The following KIF21A variants were observed in gnomAD, a reference collection of about 807,000 sequenced individuals.
KIF21A encodes kinesin-like protein KIF21A.
KIF21A carries 114 observed loss-of-function variants against 202.9 expected under a neutral mutation model. The ratio of observed to expected loss-of-function variants is 0.56; its 90% CI spans 0.48 to 0.66. KIF21A has a LOEUF of 0.66. Ranked by LOEUF, KIF21A falls within the 30% of genes least tolerant of loss-of-function variation. The pLI is 0.00. For synonymous variants in KIF21A, 667 were observed against 670.8 expected (o/e 0.99, Z 0.09); for missense variants, 1,677 against 1,994.9 (o/e 0.84, Z 3.04).
chr12:39,432,757 C>T (rs567202926), intron 1 of KIF21A, among the ~76,000 whole-genome samples: 31 of 152,142 alleles, frequency 2.0e-4, no homozygotes, highest in African/African-American at 7.5e-4. Context: ...ATTACAGGTG[C>T]CTGCTGCTAT....
At position 39,307,585 on chromosome 12, in the gene KIF21A, G is replaced by T. The variant is rs1303665673; in HGVS notation, c.4422C>A (p.Val1474=). ...TFLYAASGNA[V]RMWDLKRFQS... is the part of the protein sequence containing the mutation. ...TCTACCTTTTAAGATCCCACATCCT[G>T]ACAGCATTTCCAGAAGCAGCATAGA... The change falls in exon 34 of 38, where the codon GTC becomes GTA. Residue 1474 remains valine, a synonymous_variant. Transcript: ENST00000361418. 3 of 1,614,074 alleles carry T rather than the reference G, an allele frequency of 1.9e-6. No individual in the cohort carries two copies. The highest frequency in any genetic ancestry group is 2.5e-6 in the Non-Finnish European group (3 of 1,179,974).
intron 1 of KIF21A, among the ~76,000 whole-genome samples, chr12:39,438,136 A>G (rs1939076771): frequency 6.6e-6 from 1 of 152,188 alleles, no homozygotes; most frequent in Admixed American, 6.5e-5. Context: ...CAGAGATAAT[A>G]ATAGCTGCCC....
chr12:39,425,767 G>T (rs1159787632), intron 1 of KIF21A, among the ~76,000 whole-genome samples: 1 of 151,980 alleles, frequency 6.6e-6, no homozygotes, highest in South Asian at 2.1e-4. Context: ...GGCTTAGGCA[G>T]ATTAAAGAAT....
intron 16 of KIF21A, among the ~76,000 whole-genome samples, chr12:39,339,766 A>G (rs1456890200): frequency 1.3e-5 from 2 of 151,286 alleles, no homozygotes; most frequent in Non-Finnish European, 2.9e-5. Context: ...AATGGGGAAT[A>G]TGATCAGGAA....
intron 1 of KIF21A, among the ~76,000 whole-genome samples, chr12:39,416,811 G>GTA (rs1373615761): frequency 1.6e-4 from 17 of 106,306 alleles, no homozygotes; most frequent in Non-Finnish European, 2.8e-4. Flanking sequence ...ACATATATAT[G>GTA]TGTGTATATA....
intron 1 of KIF21A, among the ~76,000 whole-genome samples, chr12:39,430,188 GAA>G (rs772853903): frequency 7.8e-6 from 1 of 128,678 alleles, no homozygotes. Context: ...TAAGACCCTG[GAA>G]AAAAAAAAAA....
In KIF21A at chr12:39,341,539, ACTTTCACCCCCATCAATGTCAT is replaced by A. The variant is rs1947444860; in HGVS notation, c.1865_1886del (p.Asp622ValfsTer32). ...CTGATTCAGAATCTGATTCATCAGAACTTTCACCCCCATCAATGTCATCTTCCTCCTCCTCCTCCTCCTCTTC... is the reference window on the plus strand; with the variant it reads ...CTGATTCAGAATCTGATTCATCAGAACTTCCTCCTCCTCCTCCTCCTCTTC... On this transcript the variant is annotated frameshift_variant, in exon 14 of 38. Coordinates refer to ENST00000361418, the MANE Select transcript of KIF21A (RefSeq NM_001173464.2). LOFTEE classifies it high-confidence loss of function. 6.2e-7 allele frequency: 1 copy of A among 1,613,054 alleles called. No individual in the cohort carries two copies. The highest frequency in any genetic ancestry group is 1.7e-5 in the Admixed American group (1 of 59,966).
At chr12:39,353,742 C>T (rs1436020044) in intron 10 of KIF21A, among the ~76,000 whole-genome samples, 2 of 151,994 alleles carry the variant, frequency 1.3e-5, no homozygotes, top group African/African-American at 2.4e-5. Context: ...AGGGGCATAT[C>T]CAATGAGTCT....
At chr12:39,338,034 T>C (rs1039533210) in intron 16 of KIF21A, among the ~76,000 whole-genome samples, 13 of 152,208 alleles carry the variant, frequency 8.5e-5, no homozygotes, top group African/African-American at 9.6e-5. Flanking sequence ...AAAAGTTAAC[T>C]ATAAAGCAGC....
At chr12:39,410,089 C>T (rs1952960724) in intron 1 of KIF21A, among the ~76,000 whole-genome samples, 1 of 152,148 alleles carries the variant, frequency 6.6e-6, no homozygotes, top group Non-Finnish European at 1.5e-5. Context: ...CCTTATCCTC[C>T]CAAAGTGCTG....
chr12:39,375,000 G>T (rs555065996), intron 1 of KIF21A, among the ~76,000 whole-genome samples: 1 of 152,170 alleles, frequency 6.6e-6, no homozygotes, highest in East Asian at 1.9e-4. Flanking sequence ...TGGACATAGG[G>T]CAAGGGACTA....
intron 1 of KIF21A, among the ~76,000 whole-genome samples, chr12:39,400,765 G>A (rs1433547622): frequency 6.6e-6 from 1 of 152,136 alleles, no homozygotes; most frequent in African/African-American, 2.4e-5. Context: ...GATTTAGGCT[G>A]AAGTTCTAGA....
At chr12:39,360,889 T>A (rs190549292) in intron 7 of KIF21A, among the ~76,000 whole-genome samples, 1 of 152,322 alleles carries the variant, frequency 6.6e-6, no homozygotes, top group East Asian at 1.9e-4. Flanking sequence ...TTCTTTTAAG[T>A]TTAATTTGTA....
At chr12:39,369,948 T>C (rs111867237) in intron 2 of KIF21A, 37 bp from the exon 3 acceptor site, 7 of 1,600,526 alleles carry the variant, frequency 4.4e-6, no homozygotes, top group Middle Eastern at 1.7e-4. Flanking sequence ...GTGTTCAACC[T>C]TAACATAACC....
At chr12:39,334,223 A>G (rs954762242) in intron 17 of KIF21A, among the ~76,000 whole-genome samples, 2 of 151,176 alleles carry the variant, frequency 1.3e-5, no homozygotes, top group African/African-American at 4.8e-5. Flanking sequence ...AAAAAAAAGA[A>G]AGAAAGAAAG....
At chr12:39,326,115 AC>A (rs1437665809) in intron 25 of KIF21A, 148 bp downstream of exon 25, 1 of 717,622 alleles carries the variant, frequency 1.4e-6, no homozygotes, top group Non-Finnish European at 2.4e-6. Flanking sequence ...GCATGACTTA[AC>A]TTGGTTTCTA....
intron 28 of KIF21A, 80 bp downstream of exon 28, chr12:39,319,826 T>C (rs1945008423): frequency 3.3e-6 from 3 of 907,602 alleles, no homozygotes; most frequent in Admixed American, 4.0e-5. Flanking sequence ...ATCTGGAAAA[T>C]AATTTCATGA....
intron 1 of KIF21A, among the ~76,000 whole-genome samples, chr12:39,374,998 G>C (rs1322113776): frequency 6.6e-6 from 1 of 152,044 alleles, no homozygotes; most frequent in African/African-American, 2.4e-5. Flanking sequence ...TGTGGACATA[G>C]GGCAAGGGAC....
chr12:39,386,016 GT>G (rs1223406504), intron 1 of KIF21A, among the ~76,000 whole-genome samples: 3 of 152,062 alleles, frequency 2.0e-5, no homozygotes, highest in Non-Finnish European at 2.9e-5. Flanking sequence ...TTTGTTCTGG[GT>G]TTTGTTTTTG....
Sources: allele counts gnomAD v4.1 joint callset (sites outside exome capture counted in the v4.1 genomes callset), GRCh38; gene constraint gnomAD v4.1.1; transcripts MANE v1.5; gene names NCBI Gene and HGNC (gene_info 2026-07-23, HGNC 2026-07-21).